The following FSHR variants were observed in gnomAD, a reference collection of about 807,000 sequenced individuals.
The protein encoded by FSHR is follicle stimulating hormone receptor.
In FSHR, 46 loss-of-function variants were observed where a neutral mutation model predicts 52.1. That is an observed-to-expected ratio of 0.88 (90% confidence interval 0.70 to 1.13). The LOEUF is 1.13. FSHR is among the 50% of genes most tolerant of loss of function. The pLI is 0.00. For synonymous variants in FSHR, 399 were observed against 309.6 expected, an observed-to-expected ratio of 1.29 and a Z score of -3.03; for missense variants, 964 against 834.6, an observed-to-expected ratio of 1.16 and a Z score of -1.91.
At chr2:49,092,888 A>T (rs990451505) in intron 1 of FSHR, among the ~76,000 whole-genome samples, 3 of 151,938 alleles carry the variant, frequency 2.0e-5, no homozygotes, top group Non-Finnish European at 4.4e-5. Context: ...CTGGTCTCGA[A>T]CTCCTGACCT....
chr2:49,005,634 A>T (rs1193985411), intron 4 of FSHR, among the ~76,000 whole-genome samples: 1 of 152,134 alleles, frequency 6.6e-6, no homozygotes, highest in African/African-American at 2.4e-5. Flanking sequence ...GAGTGTGCAA[A>T]AAAACAAATC....
chr2:49,042,831 G>A (rs192319565), intron 2 of FSHR, among the ~76,000 whole-genome samples: 18 of 152,250 alleles, frequency 1.2e-4, no homozygotes, highest in East Asian at 3.9e-4. Flanking sequence ...TCAGTCAAAC[G>A]TTTCCATTTT....
chr2:49,105,993 A>G (rs1217125957), intron 1 of FSHR, among the ~76,000 whole-genome samples: 1 of 152,110 alleles, frequency 6.6e-6, no homozygotes, highest in Non-Finnish European at 1.5e-5. Context: ...TCTGGATCTC[A>G]GTTTTCTCCT....
chr2:49,102,256 A>G (rs1054602407), intron 1 of FSHR, among the ~76,000 whole-genome samples: 2 of 152,172 alleles, frequency 1.3e-5, no homozygotes, highest in Non-Finnish European at 1.5e-5. Context: ...AGCTGTGGCA[A>G]TGATCTATAG....
chr2:49,146,728 C>T (rs984587219), intron 1 of FSHR, among the ~76,000 whole-genome samples: 1 of 152,048 alleles, frequency 6.6e-6, no homozygotes, highest in African/African-American at 2.4e-5. Flanking sequence ...GAATTGAAAA[C>T]ATCTCAGCGT....
chr2:49,110,111 G>A (rs567966486), intron 1 of FSHR, among the ~76,000 whole-genome samples: 2 of 152,206 alleles, frequency 1.3e-5, no homozygotes, highest in South Asian at 4.1e-4. Flanking sequence ...TGTTGCTTAT[G>A]CCCTTCATAT....
In FSHR at chr2:48,985,488, C is replaced by A. The variant is rs78815180; in HGVS notation, c.525-2322G>T. Among the ~76,000 whole-genome samples, 5 of 152,194 alleles carry A rather than the reference C, an allele frequency of 3.3e-5. No homozygotes were observed. The East Asian group carries it at 7.7e-4, about 24-fold the overall frequency. On this transcript the variant is annotated intron_variant, in intron 6 of 9. Transcript: ENST00000406846. ...TGGCTGGCCATAGCTAGGTGCTTTC[C>A]CCATTCAGGCACTCTGCTTACCAGG...
chr2:49,068,172 C>T lies in FSHR; in HGVS notation c.224+47G>A, dbSNP rs771281685. ...ACTAGATGTGGTCTGAGGTTGCTCC[C>T]TATAGCCCCCTTGAGGCATTCACTC... On this transcript the variant is annotated intron_variant, in intron 2 of 9. Transcript: ENST00000406846. The T allele has an allele frequency of 2.0e-6, 3 of 1,474,358 alleles. No homozygotes were observed. In the East Asian group the frequency reaches 6.8e-5, roughly 34 times the overall value. The allele number at this position is 1,474,358 out of a possible 1,614,324, so 91.3% of individuals were successfully genotyped here. A position where few individuals can be genotyped will look rare whatever the true frequency, so the allele number is the denominator to read the frequency against.
intron 1 of FSHR, among the ~76,000 whole-genome samples, chr2:49,124,747 T>C (rs1383413523): frequency 6.6e-6 from 1 of 152,216 alleles, no homozygotes; most frequent in Admixed American, 6.5e-5. Context: ...ATTATTTTAA[T>C]AGTCTCCTAA....
At chr2:49,038,169 A>T (rs1668339534) in intron 2 of FSHR, among the ~76,000 whole-genome samples, 1 of 152,206 alleles carries the variant, frequency 6.6e-6, no homozygotes, top group South Asian at 2.1e-4. Flanking sequence ...ACATGCAATA[A>T]CTGAAGAGAG....
intron 2 of FSHR, among the ~76,000 whole-genome samples, chr2:49,060,552 TCA>T (rs1669248736): frequency 1.3e-5 from 2 of 152,186 alleles, no homozygotes; most frequent in East Asian, 3.9e-4. Flanking sequence ...CCTAGAACAG[TCA>T]CATCCCACAG....
chr2:49,119,555 T>C (rs1671728973), intron 1 of FSHR, among the ~76,000 whole-genome samples: 1 of 152,196 alleles, frequency 6.6e-6, no homozygotes, highest in Non-Finnish European at 1.5e-5. Context: ...GCATTTTAGA[T>C]CCTTGGTTTG....
chr2:49,055,753 A>G (rs185062316), intron 2 of FSHR, among the ~76,000 whole-genome samples: 1 of 152,098 alleles, frequency 6.6e-6, no homozygotes, highest in Non-Finnish European at 1.5e-5. Context: ...ATAGGATGAT[A>G]TATTCAAAGT....
At chr2:49,145,727 GA>G (rs752783756) in intron 1 of FSHR, among the ~76,000 whole-genome samples, 7 of 152,142 alleles carry the variant, frequency 4.6e-5, no homozygotes, top group Admixed American at 6.6e-5. Context: ...ACTTCATGAG[GA>G]CAGGGATCTT....
chr2:49,082,428 A>G lies in FSHR; in HGVS notation c.153-14138T>C, dbSNP rs541493516. On this transcript the variant is annotated intron_variant, in intron 1 of 9. Transcript: ENST00000406846. ...GAGCAGAAAAACTGGAAACTCTAAA[A>G]AGCAGAGCGACTCTCCTCCTCCAAA... Among the ~76,000 whole-genome samples, 1,088 of 152,300 alleles carry G rather than the reference A, an allele frequency of 7.1e-3. 15 individuals carry two copies. The highest frequency in any genetic ancestry group is 0.024 in the African/African-American group (1,013 of 41,568).
intron 1 of FSHR, among the ~76,000 whole-genome samples, chr2:49,123,349 C>T (rs112287564): frequency 8.8e-4 from 134 of 152,176 alleles, no homozygotes; most frequent in Admixed American, 7.0e-3. Flanking sequence ...TAGCCAGGCA[C>T]GGTGGCTCAC....
At chr2:49,077,782 T>C (rs1358233759) in intron 1 of FSHR, among the ~76,000 whole-genome samples, 1 of 152,178 alleles carries the variant, frequency 6.6e-6, no homozygotes, top group Non-Finnish European at 1.5e-5. Context: ...CACAAATCTC[T>C]AGGGCAGGGG....
intron 1 of FSHR, among the ~76,000 whole-genome samples, chr2:49,151,899 A>G (rs980577306): frequency 3.3e-5 from 5 of 152,158 alleles, no homozygotes; most frequent in African/African-American, 7.2e-5. Context: ...TTGACATTTT[A>G]TCTACTCTTC....
intron 1 of FSHR, among the ~76,000 whole-genome samples, chr2:49,084,180 C>G (rs948583074): frequency 3.9e-5 from 6 of 152,078 alleles, no homozygotes; most frequent in Non-Finnish European, 5.9e-5. Flanking sequence ...TAGAACTCAG[C>G]ATTAAGAATC....
Sources: gnomAD v4.1 joint callset for allele counts (sites outside exome capture counted in the v4.1 genomes callset) on GRCh38, gnomAD v4.1.1 for gene constraint, MANE v1.5 for transcripts, NCBI Gene and HGNC (gene_info 2026-07-23, HGNC 2026-07-21) for gene names.